The following ST3GAL3 variants were observed in gnomAD, a reference collection of about 807,000 sequenced individuals.
The protein encoded by ST3GAL3 is ST3 beta-galactoside alpha-2,3-sialyltransferase 3.
A neutral mutation model predicts 50.1 loss-of-function variants in ST3GAL3; 21 were observed. The ratio of observed to expected loss-of-function variants is 0.42; its 90% CI spans 0.30 to 0.60. The LOEUF (loss-of-function observed/expected upper bound fraction) is 0.60, where lower values mean the gene tolerates loss of function less well. ST3GAL3 is among the 20% of genes least tolerant of loss of function. The pLI is 0.19. For missense variants in ST3GAL3, 353 were observed against 489.4 expected (o/e 0.72, Z 2.63); for synonymous variants, 183 against 190.0 (o/e 0.96, Z 0.30).
At chr1:43,783,285 C>A (rs1337214745) in intron 2 of ST3GAL3, among the ~76,000 whole-genome samples, 1 of 152,160 alleles carries the variant, frequency 6.6e-6, no homozygotes, top group Non-Finnish European at 1.5e-5. Flanking sequence ...TGGCTTTCTG[C>A]CCTCCCTGTT....
chr1:43,829,995 CTTTTTTTTTTTTTT>C (rs71579312), intron 4 of ST3GAL3, among the ~76,000 whole-genome samples: 10 of 70,130 alleles, frequency 1.4e-4, no homozygotes, highest in South Asian at 7.9e-4. Flanking sequence ...ATAAAAATTC[CTTTTTTTTTTTTTT>C]TTTTTTTTTT....
chr1:43,872,218 G>A (rs1389549793), intron 5 of ST3GAL3, among the ~76,000 whole-genome samples: 1 of 86,366 alleles, frequency 1.2e-5, no homozygotes, highest in African/African-American at 4.8e-5. Context: ...AGAGGGGTGT[G>A]GGGGGCCGGG....
intron 1 of ST3GAL3, chr1:43,708,081 G>T (rs1662395602): frequency 6.6e-6 from 1 of 152,364 alleles, no homozygotes; most frequent in African/African-American, 2.4e-5. Context: ...AATCGGCAGC[G>T]TTTGGGTAGC....
intron 5 of ST3GAL3, among the ~76,000 whole-genome samples, chr1:43,865,103 G>A (rs1008685219): frequency 2.7e-5 from 4 of 150,468 alleles, no homozygotes; most frequent in Admixed American, 2.0e-4. Flanking sequence ...TGCAAGCTCC[G>A]CCTCCCGGGT....
intron 2 of ST3GAL3, among the ~76,000 whole-genome samples, chr1:43,783,933 T>C (rs923512671): frequency 6.6e-6 from 1 of 152,180 alleles, no homozygotes; most frequent in East Asian, 1.9e-4. Flanking sequence ...AAAATAGTCT[T>C]TGATGTGTCA....
intron 1 of ST3GAL3, among the ~76,000 whole-genome samples, chr1:43,725,171 C>T (rs1672317271): frequency 6.6e-6 from 1 of 152,160 alleles, no homozygotes. Flanking sequence ...GCATCTGCAA[C>T]TCTTTACCTG....
chr1:43,762,262 TAAA>T (rs573587830), intron 2 of ST3GAL3, among the ~76,000 whole-genome samples: 4 of 121,358 alleles, frequency 3.3e-5, no homozygotes, highest in African/African-American at 6.1e-5. Flanking sequence ...CCTGTCTCAT[TAAA>T]AAAAAAAAAA....
chr1:43,905,445 T>C (rs963351949), intron 9 of ST3GAL3, among the ~76,000 whole-genome samples: 41 of 106,758 alleles, frequency 3.8e-4, no homozygotes, highest in Non-Finnish European at 6.0e-4. Flanking sequence ...GTCCTGCTCC[T>C]CTTCCCACCA....
At chr1:43,773,342 C>G (rs1170297139) in intron 2 of ST3GAL3, among the ~76,000 whole-genome samples, 4 of 152,154 alleles carry the variant, frequency 2.6e-5, no homozygotes, top group Non-Finnish European at 5.9e-5. Flanking sequence ...TCAGTGTTGT[C>G]TTACTGAGCT....
intron 2 of ST3GAL3, among the ~76,000 whole-genome samples, chr1:43,777,429 C>T (rs993151469): frequency 4.6e-5 from 7 of 152,140 alleles, no homozygotes; most frequent in African/African-American, 1.7e-4. Flanking sequence ...CAAAAACAGA[C>T]ACATAGACCA....
intron 6 of ST3GAL3, among the ~76,000 whole-genome samples, chr1:43,897,200 A>G (rs977157351): frequency 5.3e-5 from 8 of 151,702 alleles, no homozygotes; most frequent in African/African-American, 1.2e-4. Context: ...GACTTTTTCA[A>G]CGCTCCACGC....
At chr1:43,884,584 G>C (rs2075678547) in intron 5 of ST3GAL3, among the ~76,000 whole-genome samples, 1 of 152,182 alleles carries the variant, frequency 6.6e-6, no homozygotes, top group African/African-American at 2.4e-5. Flanking sequence ...ACTCAGAGAA[G>C]GTTCTAGGAA....
At chr1:43,775,620 T>C (rs1696920862) in intron 2 of ST3GAL3, among the ~76,000 whole-genome samples, 1 of 152,146 alleles carries the variant, frequency 6.6e-6, no homozygotes, top group Non-Finnish European at 1.5e-5. Context: ...CTAAACCTAA[T>C]ACATCTGTGA....
chr1:43,708,444 T>A (rs1662694520), intron 1 of ST3GAL3, among the ~76,000 whole-genome samples: 1 of 152,204 alleles, frequency 6.6e-6, no homozygotes, highest in African/African-American at 2.4e-5. Flanking sequence ...ACTCAAACTT[T>A]TCAGTGGATG....
intron 5 of ST3GAL3, among the ~76,000 whole-genome samples, chr1:43,880,265 C>A (rs2074879485): frequency 1.3e-5 from 2 of 152,142 alleles, no homozygotes; most frequent in African/African-American, 4.8e-5. Flanking sequence ...TGTCCCAAAT[C>A]TTTCCTATTC....
At chr1:43,815,015 A>G (rs988220721) in intron 4 of ST3GAL3, 82 bp downstream of exon 4, 1 of 1,391,694 alleles carries the variant, frequency 7.2e-7, no homozygotes, top group Non-Finnish European at 1.0e-6. Context: ...GTCAGCTCTC[A>G]TCACTCTTCT....
chr1:43,928,480 G>C (rs1240943637), intron 11 of ST3GAL3, among the ~76,000 whole-genome samples: 1 of 152,036 alleles, frequency 6.6e-6, no homozygotes, highest in African/African-American at 2.4e-5. Context: ...GGCACCTGTA[G>C]TTCCAGCTAC....
intron 4 of ST3GAL3, among the ~76,000 whole-genome samples, chr1:43,819,998 A>G (rs2061886085): frequency 6.6e-6 from 1 of 152,240 alleles, no homozygotes; most frequent in African/African-American, 2.4e-5. Flanking sequence ...GAGGCAGAAT[A>G]GCCAAAGCAA....
rs1403235827 is a variant in ST3GAL3, at chr1:43,716,058, TAAC to T, written c.-31+8370_-31+8372del. Among the ~76,000 whole-genome samples the T allele has an allele frequency of 2.0e-5, 3 of 152,324 alleles. No homozygotes were observed. The South Asian group carries it at 6.2e-4, about 32-fold the overall frequency. On this transcript the variant is annotated intron_variant, in intron 1 of 11. Transcript: ENST00000347631. ...TTGTGTGACTTTTATATCCTTCTGG[TAAC>T]AACATAAGAATGGAAACATTAAAAA... is the stretch of plus-strand genomic sequence containing the variant.
Sources: allele counts gnomAD v4.1 joint callset (sites outside exome capture counted in the v4.1 genomes callset), GRCh38; gene constraint gnomAD v4.1.1; transcripts MANE v1.5; gene names NCBI Gene and HGNC (gene_info 2026-07-23, HGNC 2026-07-21).